BTBD9: variants seen among roughly 807,000 people sequenced by gnomAD.
BTBD9 encodes BTB/POZ domain-containing protein 9.
In BTBD9, 49 loss-of-function variants were observed where a neutral mutation model predicts 64.3. The observed-to-expected ratio is 0.76, with a 90% CI of 0.61 to 0.97. The LOEUF (loss-of-function observed/expected upper bound fraction) is 0.97, where lower values mean the gene tolerates loss of function less well. Among genes scored for constraint, BTBD9 ranks in the 50% least tolerant of loss-of-function variants. The pLI is 0.00. For missense variants in BTBD9, 598 were observed against 762.1 expected (o/e 0.78, Z 2.53); for synonymous variants, 260 against 274.7 (o/e 0.95, Z 0.53).
chr6:38,266,192 T>C (rs1168539163), intron 8 of BTBD9, among the ~76,000 whole-genome samples: 1 of 152,262 alleles, frequency 6.6e-6, no homozygotes, highest in Non-Finnish European at 1.5e-5. Flanking sequence ...GATTATTTAA[T>C]CACTTGACAA....
intron 9 of BTBD9, among the ~76,000 whole-genome samples, chr6:38,246,702 TTCA>T (rs1234552405): frequency 6.6e-6 from 1 of 152,100 alleles, no homozygotes; most frequent in African/African-American, 2.4e-5. Flanking sequence ...AAATAAAATC[TTCA>T]TCGAGCATTT....
chr6:38,624,320 A>G (rs1171860266), intron 1 of BTBD9, among the ~76,000 whole-genome samples: 1 of 152,146 alleles, frequency 6.6e-6, no homozygotes, highest in Admixed American at 6.5e-5. Context: ...CCCCTTCCAC[A>G]CTGTGGAAGC....
chr6:38,374,818 T>C (rs920976926), intron 6 of BTBD9, among the ~76,000 whole-genome samples: 8 of 152,172 alleles, frequency 5.3e-5, no homozygotes, highest in African/African-American at 1.7e-4. Flanking sequence ...AGAAGTATCA[T>C]TGGCTTTTTT....
Position 38,224,704 on chromosome 6 carries a change from G to C in BTBD9, c.1562+31705C>G, listed in dbSNP as rs117296359. 1.5e-3 allele frequency among the ~76,000 whole-genome samples: 222 copies of C among 152,304 alleles called. 5 individuals carry two copies. The East Asian group carries it at 0.031, about 21-fold the overall frequency. Reference sequence around the variant, plus strand: ...TTATTGAGTCAAAGATCAATATGTAGCTGGTTCAAGTACAAAGGTAACTTT... The same window carrying C: ...TTATTGAGTCAAAGATCAATATGTACCTGGTTCAAGTACAAAGGTAACTTT... On this transcript the variant is annotated intron_variant, in intron 9 of 10. Transcript: ENST00000481247.
chr6:38,608,066 C>T (rs1777489193), intron 1 of BTBD9, among the ~76,000 whole-genome samples: 1 of 152,142 alleles, frequency 6.6e-6, no homozygotes, highest in South Asian at 2.1e-4. Context: ...TAAATGTTTA[C>T]CTATAAACTA....
chr6:38,526,181 C>G (rs1773480006), intron 6 of BTBD9, among the ~76,000 whole-genome samples: 1 of 152,246 alleles, frequency 6.6e-6, no homozygotes, highest in Admixed American at 6.5e-5. Context: ...ACACAGTGCC[C>G]TGTATCGCAC....
At position 38,564,748 on chromosome 6, in the gene BTBD9, T is replaced by C. The variant is rs780926589; in HGVS notation, c.1154+12852A>G. ...CTAAAAATACAAAAACAAAATTAGC[T>C]GGGCGTGGTGGTAGGCACCTGTAAT... On this transcript the variant is annotated intron_variant, in intron 6 of 10. Transcript: ENST00000481247. Among the ~76,000 whole-genome samples, 7 of 151,824 alleles carry C rather than the reference T, an allele frequency of 4.6e-5. No homozygotes were observed. In the South Asian group the frequency reaches 6.3e-4, roughly 14 times the overall value.
At chr6:38,401,255 TCC>T (rs1297270018) in intron 6 of BTBD9, among the ~76,000 whole-genome samples, 6 of 152,270 alleles carry the variant, frequency 3.9e-5, no homozygotes, top group African/African-American at 1.4e-4. Flanking sequence ...TCCTTGCTCT[TCC>T]TCTTCTTCTC....
At chr6:38,538,645 G>C (rs1053447256) in intron 6 of BTBD9, among the ~76,000 whole-genome samples, 2 of 151,750 alleles carry the variant, frequency 1.3e-5, no homozygotes, top group African/African-American at 2.4e-5. Flanking sequence ...CCCCAAAAGA[G>C]ACACCCAGCC....
chr6:38,544,383 A>G (rs1052122891), intron 6 of BTBD9, among the ~76,000 whole-genome samples: 13 of 152,096 alleles, frequency 8.5e-5, no homozygotes, highest in African/African-American at 3.1e-4. Context: ...ATAAGGGGCA[A>G]GAGAGAGTGC....
intron 7 of BTBD9, among the ~76,000 whole-genome samples, chr6:38,328,990 G>A (rs1283500242): frequency 1.3e-5 from 2 of 148,742 alleles, no homozygotes; most frequent in Non-Finnish European, 3.0e-5. Context: ...GTGTGTGTGT[G>A]TGTGTGTGTG....
chr6:38,542,682 T>G (rs1465010501), intron 6 of BTBD9, among the ~76,000 whole-genome samples: 1 of 152,166 alleles, frequency 6.6e-6, no homozygotes, highest in African/African-American at 2.4e-5. Flanking sequence ...TTACTTCTCT[T>G]GGAAAATTAA....
rs139223952 is a variant in BTBD9 at position 38,283,102 on chromosome 6, T to G, written c.1454+5170A>C. On this transcript the variant is annotated intron_variant, in intron 8 of 10. Transcript: ENST00000481247. ...AGGGTCAGAGATCATGTTTGGAGTC[T>G]ACCCTTTCTAGTATACCACAGGATA... is the stretch of plus-strand genomic sequence containing the variant. Among the ~76,000 whole-genome samples, 398 of 152,310 alleles carry G rather than the reference T, an allele frequency of 2.6e-3. 1 individual carries two copies. The highest frequency in any genetic ancestry group is 9.1e-3 in the African/African-American group (380 of 41,560).
chr6:38,318,048 C>T (rs1763091000), intron 7 of BTBD9, among the ~76,000 whole-genome samples: 1 of 151,086 alleles, frequency 6.6e-6, no homozygotes, highest in Non-Finnish European at 1.5e-5. Flanking sequence ...GATTCTCCTG[C>T]CTCACCTGGC....
intron 8 of BTBD9, among the ~76,000 whole-genome samples, chr6:38,266,921 C>T (rs896657159): frequency 2.0e-5 from 3 of 152,216 alleles, no homozygotes; most frequent in African/African-American, 7.2e-5. Context: ...ACACACTAGG[C>T]AGGTATGCAG....
intron 6 of BTBD9, among the ~76,000 whole-genome samples, chr6:38,452,325 A>C (rs1410436878): frequency 1.3e-5 from 2 of 152,122 alleles, no homozygotes; most frequent in Admixed American, 1.3e-4. Context: ...TCCAAAGCCA[A>C]TACAGTATAC....
chr6:38,563,776 C>CTTTTT lies in BTBD9; in HGVS notation c.1154+13819_1154+13823dup, dbSNP rs57927975. On this transcript the variant is annotated intron_variant, in intron 6 of 10. Coordinates refer to ENST00000481247, the MANE Select transcript of BTBD9 (RefSeq NM_001099272.2). ...TTTCCCCTTTTGTCTGCCTATCTAA[C>CTTTTT]TTTTTTTTTTTTTTTTTTTTTTTGA... Among the ~76,000 whole-genome samples the CTTTTT allele has an allele frequency of 1.5e-3, 166 of 113,556 alleles. 4 individuals carry two copies. Among genetic ancestry groups the CTTTTT allele is most frequent in the African/African-American group, 5.3e-3 (147 of 27,578 alleles). The allele number at this position is 113,556 out of a possible 152,430, so 74.5% of individuals were successfully genotyped here. A position where few individuals can be genotyped will look rare whatever the true frequency, so the allele number is the denominator to read the frequency against.
chr6:38,253,255 A>G (rs562746309), intron 9 of BTBD9, among the ~76,000 whole-genome samples: 147 of 152,352 alleles, frequency 9.6e-4, no homozygotes, highest in African/African-American at 3.3e-3. Context: ...TCACACTTCC[A>G]TATGGCTGGA....
intron 6 of BTBD9, among the ~76,000 whole-genome samples, chr6:38,449,443 A>C (rs570446954): frequency 6.6e-6 from 1 of 152,340 alleles, no homozygotes; most frequent in East Asian, 1.9e-4. Flanking sequence ...TGAACAGAAT[A>C]GAGACCCTAG....
Sources: gnomAD v4.1 joint callset for allele counts (sites outside exome capture counted in the v4.1 genomes callset) on GRCh38, gnomAD v4.1.1 for gene constraint, MANE v1.5 for transcripts, NCBI Gene and HGNC (gene_info 2026-07-23, HGNC 2026-07-21) for gene names.